Variants in CNTNAP4 observed in about 807,000 individuals in gnomAD.
CNTNAP4 encodes the protein contactin-associated protein-like 4.
Under a neutral mutation model 148.4 loss-of-function variants are expected in CNTNAP4, and 98 were observed. The ratio of observed to expected loss-of-function variants is 0.66; its 90% CI spans 0.56 to 0.78. CNTNAP4 has a LOEUF of 0.78. Ranked by LOEUF, CNTNAP4 falls within the 30% of genes least tolerant of loss-of-function variation. The pLI, the probability that CNTNAP4 is intolerant of heterozygous loss-of-function variation, is 0.00. For synonymous variants in CNTNAP4, 730 were observed against 565.1 expected (o/e 1.29, Z -4.14); for missense variants, 1,935 against 1,565.6 (o/e 1.24, Z -3.98).
At chr16:76,340,026 A>G (rs1964339731) in intron 2 of CNTNAP4, among the ~76,000 whole-genome samples, 2 of 152,184 alleles carry the variant, frequency 1.3e-5, no homozygotes, top group African/African-American at 4.8e-5. Flanking sequence ...AAAATTGTGG[A>G]GAACAAGAAC....
intron 1 of CNTNAP4, among the ~76,000 whole-genome samples, chr16:76,286,218 T>TGTGA (rs897458989): frequency 6.9e-6 from 1 of 144,332 alleles, no homozygotes; most frequent in Non-Finnish European, 1.5e-5. Context: ...TGTGTGTGTG[T>TGTGA]GAAGATAACT....
At chr16:76,344,387 C>T (rs1163908257) in intron 2 of CNTNAP4, among the ~76,000 whole-genome samples, 1 of 152,104 alleles carries the variant, frequency 6.6e-6, no homozygotes, top group African/African-American at 2.4e-5. Context: ...TACAGGCAAA[C>T]AGCATTATTC....
At chr16:76,429,068 A>G (rs1200469332) in intron 4 of CNTNAP4, among the ~76,000 whole-genome samples, 1 of 152,214 alleles carries the variant, frequency 6.6e-6, no homozygotes, top group Non-Finnish European at 1.5e-5. Flanking sequence ...GAGATGAGTC[A>G]GTGGCCAACT....
chr16:76,363,713 A>G (rs796524548), intron 3 of CNTNAP4, among the ~76,000 whole-genome samples: 6 of 152,316 alleles, frequency 3.9e-5, no homozygotes, highest in African/African-American at 1.4e-4. Context: ...AAAGAATGAG[A>G]GAAATATTTG....
chr16:76,542,492 C>T (rs961057788), intron 21 of CNTNAP4, among the ~76,000 whole-genome samples: 1 of 152,112 alleles, frequency 6.6e-6, no homozygotes, highest in Non-Finnish European at 1.5e-5. Context: ...ACTGTGGGAC[C>T]CATCTACTTC....
At chr16:76,339,468 A>C (rs1964290606) in intron 2 of CNTNAP4, among the ~76,000 whole-genome samples, 1 of 152,188 alleles carries the variant, frequency 6.6e-6, no homozygotes, top group African/African-American at 2.4e-5. Context: ...ATTAATATTC[A>C]GCAAATACTC....
chr16:76,465,774 A>G (rs1305659390), intron 9 of CNTNAP4, among the ~76,000 whole-genome samples: 2 of 152,198 alleles, frequency 1.3e-5, no homozygotes, highest in Non-Finnish European at 2.9e-5. Flanking sequence ...ATTAACACTC[A>G]AAAAGCTTTG....
chr16:76,293,906 T>C (rs1234252513), intron 1 of CNTNAP4, among the ~76,000 whole-genome samples: 1 of 152,010 alleles, frequency 6.6e-6, no homozygotes, highest in Non-Finnish European at 1.5e-5. Flanking sequence ...AACCGAGAAT[T>C]GTATTTAGCC....
In CNTNAP4 at chr16:76,546,192, A is replaced by T. The variant is rs2084723049; in HGVS notation, c.3442+5402A>T. Among the ~76,000 whole-genome samples, 4 of 152,154 alleles carry T rather than the reference A, an allele frequency of 2.6e-5. 1 individual carries two copies. The highest frequency in any genetic ancestry group is 6.6e-5 in the Admixed American group (1 of 15,266). Reference sequence around the variant, plus strand: ...GGATTGGCTGGGGTGTGAACATGGAACCTGTGAAGTGGAGAGAGGGCACTA... The same window carrying T: ...GGATTGGCTGGGGTGTGAACATGGATCCTGTGAAGTGGAGAGAGGGCACTA... On this transcript the variant is annotated intron_variant, in intron 21 of 23. Transcript: ENST00000611870.
At chr16:76,416,024 C>A (rs2078967932) in intron 3 of CNTNAP4, among the ~76,000 whole-genome samples, 2 of 150,310 alleles carry the variant, frequency 1.3e-5, no homozygotes. Context: ...TTATTTTTCC[C>A]CCTAATGTCT....
chr16:76,440,547 T>A (rs925721426), intron 4 of CNTNAP4, among the ~76,000 whole-genome samples: 2 of 152,156 alleles, frequency 1.3e-5, no homozygotes, highest in South Asian at 4.1e-4. Context: ...CCAGGTACAA[T>A]TCAATATGCA....
intron 3 of CNTNAP4, among the ~76,000 whole-genome samples, chr16:76,385,946 C>A (rs1010060512): frequency 2.5e-4 from 38 of 151,924 alleles, no homozygotes; most frequent in Non-Finnish European, 2.9e-5. Flanking sequence ...AGGGAAATCA[C>A]CAAAAAATGC....
chr16:76,453,375 G>GTAT (rs1207316805), intron 8 of CNTNAP4, among the ~76,000 whole-genome samples: 2 of 152,188 alleles, frequency 1.3e-5, no homozygotes, highest in East Asian at 3.9e-4. Flanking sequence ...ATGATTAGAA[G>GTAT]TAATGTACTT....
intron 11 of CNTNAP4, among the ~76,000 whole-genome samples, chr16:76,478,133 T>C (rs368476944): frequency 8.9e-5 from 10 of 111,802 alleles, no homozygotes; most frequent in African/African-American, 3.4e-4. Flanking sequence ...GCCATACACA[T>C]AAATCAACAG....
chr16:76,419,273 T>G (rs1181450347), intron 3 of CNTNAP4, among the ~76,000 whole-genome samples: 1 of 151,962 alleles, frequency 6.6e-6, no homozygotes, highest in Admixed American at 6.6e-5. Flanking sequence ...GAGGCTGGAA[T>G]GGGAGAAGTA....
chr16:76,333,412 A>C (rs761375595), intron 2 of CNTNAP4, among the ~76,000 whole-genome samples: 3 of 151,882 alleles, frequency 2.0e-5, no homozygotes, highest in Non-Finnish European at 2.9e-5. Flanking sequence ...GTACTTTGCA[A>C]CTCCAGAATG....
Position 76,452,713 on chromosome 16 carries a change from G to T in CNTNAP4, c.1277G>T (p.Gly426Val). Reference protein sequence around the residue: ...SGGILLFLSDGKLKSNLYQPG... With the variant: ...SGGILLFLSDVKLKSNLYQPG... The stretch of plus-strand genomic sequence containing the variant: ...GGTATCCTCCTCTTTCTGAGTGATG[G>T]AAAACTTAAGTCGAATCTCTACCAG... Residue 426 changes from glycine to valine, a missense_variant, in exon 8 of 24, where the codon GGA becomes GTA. By Grantham distance (109) the Gly-to-Val change is moderately radical. Coordinates refer to ENST00000611870, the MANE Select transcript of CNTNAP4 (RefSeq NM_033401.5). The T allele has an allele frequency of 6.2e-7, 1 of 1,611,154 alleles. No homozygotes were observed.
At chr16:76,302,460 A>G (rs1960074301) in intron 1 of CNTNAP4, among the ~76,000 whole-genome samples, 1 of 152,000 alleles carries the variant, frequency 6.6e-6, no homozygotes. Context: ...TCGTTTCTTG[A>G]CAGGTGACCC....
intron 10 of CNTNAP4, among the ~76,000 whole-genome samples, chr16:76,475,169 G>C (rs1263880795): frequency 6.8e-6 from 1 of 148,140 alleles, no homozygotes; most frequent in Admixed American, 6.6e-5. Flanking sequence ...AGAGTGAGCA[G>C]CTGTCTCAAA....
Sources: gnomAD v4.1 joint callset for allele counts (sites outside exome capture counted in the v4.1 genomes callset) on GRCh38, gnomAD v4.1.1 for gene constraint, MANE v1.5 for transcripts, NCBI Gene and HGNC (gene_info 2026-07-23, HGNC 2026-07-21) for gene names.